The following CAPZB variants were observed in gnomAD, a reference collection of about 807,000 sequenced individuals.
CAPZB encodes the protein capping actin protein of muscle Z-line subunit beta.
A neutral mutation model predicts 38.1 loss-of-function variants in CAPZB; 2 were observed. The ratio of observed to expected loss-of-function variants is 0.05; its 90% confidence interval spans 0.02 to 0.17. The LOEUF is 0.17. Among genes scored for constraint, CAPZB ranks in the 10% least tolerant of loss-of-function variants. CAPZB has a pLI of 1.00. For missense variants in CAPZB, 161 were observed against 334.2 expected (o/e 0.48, Z 4.04); for synonymous variants, 107 against 127.4 (o/e 0.84, Z 1.08).
chr1:19,481,436 A>C (rs945285803), intron 1 of CAPZB, among the ~76,000 whole-genome samples: 1 of 152,208 alleles, frequency 6.6e-6, no homozygotes, highest in Non-Finnish European at 1.5e-5. Context: ...GGGGTCCAGC[A>C]CATGACTTGG....
At chr1:19,477,136 A>G (rs1051319674) in intron 1 of CAPZB, among the ~76,000 whole-genome samples, 3 of 152,178 alleles carry the variant, frequency 2.0e-5, no homozygotes, top group Non-Finnish European at 2.9e-5. Context: ...GGAAGGGGCC[A>G]CTCTGTGAGT....
Position 19,357,547 on chromosome 1 carries a change from C to G in CAPZB, c.346G>C (p.Val116Leu). The G allele has an allele frequency of 6.2e-7, 1 of 1,614,044 alleles. No homozygotes were observed. Among genetic ancestry groups the G allele is most frequent in the Non-Finnish European group, 8.5e-7 (1 of 1,180,002 alleles). The change falls in exon 5 of 9, where the codon GTC (valine) becomes CTC (leucine). Residue 116 changes from valine to leucine, a missense_variant. Coordinates refer to ENST00000264202, the MANE Select transcript of CAPZB (RefSeq NM_004930.5). This position sits in a 1 kb window ranked among gnomAD's most constrained non-coding sequence, Gnocchi z 4.3. Reference sequence around the variant, plus strand: ...AGATCCCAGAGGTAGACAGATGAGACGCCACCTTCAAAATACCTGCAGGAA... The same window carrying G: ...AGATCCCAGAGGTAGACAGATGAGAGGCCACCTTCAAAATACCTGCAGGAA... Reference protein sequence around the residue: ...QYRDLYFEGGVSSVYLWDLDH... With the variant: ...QYRDLYFEGGLSSVYLWDLDH...
intron 1 of CAPZB, among the ~76,000 whole-genome samples, chr1:19,464,795 C>T (rs866882799): frequency 1.3e-5 from 2 of 152,128 alleles, no homozygotes; most frequent in Non-Finnish European, 2.9e-5. Flanking sequence ...CAAAAGACTC[C>T]ATACTATCTG....
At chr1:19,468,131 A>T (rs1394315600) in intron 1 of CAPZB, among the ~76,000 whole-genome samples, 1 of 152,182 alleles carries the variant, frequency 6.6e-6, no homozygotes, top group African/African-American at 2.4e-5. Flanking sequence ...CACTGACAAT[A>T]TGAACTCCAA....
chr1:19,463,853 ATATATT>A (rs2100749984), intron 1 of CAPZB, among the ~76,000 whole-genome samples: 1 of 152,296 alleles, frequency 6.6e-6, no homozygotes, highest in East Asian at 1.9e-4. Context: ...GAGAAATGAA[ATATATT>A]TGTATTTGCT....
chr1:19,352,477 G>A lies in CAPZB; in HGVS notation c.588+4158C>T, dbSNP rs183685100. On this transcript the variant is annotated intron_variant, in intron 6 of 8. Coordinates refer to ENST00000264202, the MANE Select transcript of CAPZB (RefSeq NM_004930.5). ...ATTTACAATCTCGCCTCTTTCCCAC[G>A]TCTCTGCTGTCACATAGGAGAAGTG... Among the ~76,000 whole-genome samples the A allele has an allele frequency of 3.6e-3, 548 of 152,324 alleles. 1 individual carries two copies. Among genetic ancestry groups the A allele is most frequent in the Non-Finnish European group, 4.7e-3 (317 of 68,028 alleles).
chr1:19,474,624 T>A (rs894504849), intron 1 of CAPZB, among the ~76,000 whole-genome samples: 1 of 152,138 alleles, frequency 6.6e-6, no homozygotes, highest in East Asian at 1.9e-4. Flanking sequence ...AGCTTGTAAG[T>A]ACGGGGCAGT....
chr1:19,476,204 AT>A (rs2094606102), intron 1 of CAPZB, among the ~76,000 whole-genome samples: 3 of 137,158 alleles, frequency 2.2e-5, no homozygotes, highest in Non-Finnish European at 4.4e-5. Context: ...AGATAGATAG[AT>A]AGATAGATAG....
At chr1:19,430,420 C>T (rs1451797089) in intron 1 of CAPZB, among the ~76,000 whole-genome samples, 1 of 152,196 alleles carries the variant, frequency 6.6e-6, no homozygotes, top group South Asian at 2.1e-4. Flanking sequence ...ACTGTTTACA[C>T]TCCAAAACCT....
intron 8 of CAPZB, among the ~76,000 whole-genome samples, chr1:19,343,462 G>A (rs17477411): frequency 0.25 from 37,436 of 152,210 alleles, 4,869 homozygotes; most frequent in South Asian, 0.32. Flanking sequence ...AGCACAGCCC[G>A]ACTCACACGG....
intron 6 of CAPZB, among the ~76,000 whole-genome samples, chr1:19,354,509 G>A (rs1387886387): frequency 2.6e-5 from 4 of 152,234 alleles, no homozygotes; most frequent in Admixed American, 6.5e-5. Context: ...GTGATCGGCC[G>A]TTAGAATGAT....
chr1:19,373,482 G>A (rs2094129545), intron 4 of CAPZB, among the ~76,000 whole-genome samples: 1 of 152,126 alleles, frequency 6.6e-6, no homozygotes, highest in Admixed American at 6.5e-5. Flanking sequence ...CCCAGAGCCT[G>A]AAGACAGAAT....
At chr1:19,354,662 C>T (rs944105689) in intron 6 of CAPZB, among the ~76,000 whole-genome samples, 2 of 152,176 alleles carry the variant, frequency 1.3e-5, no homozygotes, top group Non-Finnish European at 2.9e-5. Context: ...CACGGCAAGC[C>T]GGAACCAGAC....
At chr1:19,393,232 G>C (rs534990898) in intron 2 of CAPZB, among the ~76,000 whole-genome samples, 352 of 152,348 alleles carry the variant, frequency 2.3e-3, no homozygotes, top group Non-Finnish European at 3.8e-3. Flanking sequence ...CACCTGCACA[G>C]GCGGCAGCTT....
intron 1 of CAPZB, among the ~76,000 whole-genome samples, chr1:19,476,922 G>C (rs570818521): frequency 2.6e-5 from 4 of 152,206 alleles, no homozygotes; most frequent in South Asian, 2.1e-4. Context: ...GCAGGAGAGG[G>C]GAATTCCATC....
intron 1 of CAPZB, among the ~76,000 whole-genome samples, chr1:19,444,503 A>C (rs1057514406): frequency 1.3e-5 from 2 of 152,260 alleles, no homozygotes; most frequent in Non-Finnish European, 2.9e-5. Context: ...TACAGAAAAC[A>C]GCGTGCCTAG....
Position 19,378,566 on chromosome 1 carries a change from G to A in CAPZB, c.303C>T (p.Asn101=). 1 of 1,610,544 alleles carries A rather than the reference G, an allele frequency of 6.2e-7. No homozygotes were observed. The highest frequency in any genetic ancestry group is 8.5e-7 in the Non-Finnish European group (1 of 1,176,666). The part of the protein sequence containing the change: ...ARLRKLEVEA[N]NAFDQYRDLY... Reference sequence around the variant, plus strand: ...GGTCTCGATACTGGTCAAAGGCATTGTTGGCTTCCACCTCCAGCTTTCTCA... The same window carrying A: ...GGTCTCGATACTGGTCAAAGGCATTATTGGCTTCCACCTCCAGCTTTCTCA... Residue 101 remains asparagine, a synonymous_variant, in exon 4 of 9, where the codon AAC becomes AAT. Coordinates refer to ENST00000264202, the MANE Select transcript of CAPZB (RefSeq NM_004930.5).
intron 2 of CAPZB, among the ~76,000 whole-genome samples, chr1:19,402,191 C>A (rs995928198): frequency 2.0e-5 from 3 of 152,116 alleles, no homozygotes; most frequent in Non-Finnish European, 4.4e-5. Context: ...ACCAGGGCTG[C>A]GAAGGAATCA....
intron 1 of CAPZB, among the ~76,000 whole-genome samples, chr1:19,432,065 A>G (rs2094444259): frequency 6.7e-6 from 1 of 149,950 alleles, no homozygotes; most frequent in Non-Finnish European, 1.5e-5. Context: ...AAAAAAAAAA[A>G]GAAAAAAAAA....
Sources: gnomAD v4.1 joint callset for allele counts (sites outside exome capture counted in the v4.1 genomes callset) on GRCh38, gnomAD v4.1.1 for gene constraint, Gnocchi (gnomAD v3.1) non-coding constraint, MANE v1.5 for transcripts, NCBI Gene and HGNC (gene_info 2026-07-23, HGNC 2026-07-21) for gene names.